Variants in PRM2 observed in about 807,000 individuals in gnomAD.
PRM2 encodes protamine-2.
In PRM2, 6 loss-of-function variants were observed where a neutral mutation model predicts 10.7. The ratio of observed to expected loss-of-function variants is 0.56; its 90% CI spans 0.31 to 1.11. The LOEUF (loss-of-function observed/expected upper bound fraction) is 1.11. Among genes scored for constraint, PRM2 ranks in the 50% least tolerant of loss-of-function variants. The pLI is 0.06. For missense variants in PRM2, 194 were observed against 147.7 expected, an observed-to-expected ratio of 1.31 and a Z score of -1.62; for synonymous variants, 64 against 54.8, an observed-to-expected ratio of 1.17 and a Z score of -0.74.
rs1414827861 is a variant in PRM2, at chr16:11,275,796, G to T, written c.*104C>A. The T allele has an allele frequency of 6.3e-7, 1 of 1,592,058 alleles. No individual in the cohort carries two copies. The highest frequency in any genetic ancestry group is 8.5e-7 in the Non-Finnish European group (1 of 1,170,686). On this transcript the variant is annotated 3_prime_UTR_variant, in exon 2 of 2. Coordinates refer to ENST00000241808, the MANE Select transcript of PRM2 (RefSeq NM_002762.4). ...GCAGGTGACTTTCTCTTAACTTCCA[G>T]CTGGGGGCTTGAGCATTTGATGTAG...
At position 11,276,151 on chromosome 16, in the gene PRM2, A is replaced by G. The variant is rs754743314; in HGVS notation, c.220T>C (p.Cys74Arg). ...HRIHRRQHRS[C>R]RRRKRRSCRH... ...CAGGAGCGTCTTTTGCGCCTTCTGC[A>G]GGAGCGATGCTGCCGCCTGTGGATC... Residue 74 changes from cysteine to arginine, a missense_variant, in exon 1 of 2, where the codon TGC becomes CGC. Coordinates refer to ENST00000241808, the MANE Select transcript of PRM2 (RefSeq NM_002762.4). The G allele has an allele frequency of 3.7e-5, 60 of 1,613,722 alleles. 2 individuals carry two copies. The South Asian group carries it at 6.1e-4, about 17-fold the overall frequency.
At position 11,276,117 on chromosome 16, in the gene PRM2, C is replaced by T. The variant is rs368911368; in HGVS notation, c.254G>A (p.Arg85Gln). ...RRRKRRSCRH[R>Q]RRHRRGCRTR... ...AGGCAGACCTCTGCGATGCCTCCTC[C>T]GGTGCCTGCAGGAGCGTCTTTTGCG... is the stretch of plus-strand genomic sequence containing the variant. Residue 85 changes from arginine to glutamine, a missense_variant, in exon 1 of 2, where the codon CGG becomes CAG. Transcript: ENST00000241808. 44 of 1,611,990 alleles carry T rather than the reference C, an allele frequency of 2.7e-5. No individual in the cohort carries two copies. The highest frequency in any genetic ancestry group is 8.0e-5 in the African/African-American group (6 of 75,050).
intron 1 of PRM2, 59 bp from the exon 2 acceptor site, chr16:11,275,996 G>A: frequency 6.2e-7 from 1 of 1,612,880 alleles, no homozygotes. Context: ...GTGGGGACGG[G>A]GGTTAGGGGG....
chr16:11,275,982 C>G (rs1314564824), intron 1 of PRM2, 45 bp from the exon 2 acceptor site: 5 of 1,594,124 alleles, frequency 3.1e-6, no homozygotes, highest in Non-Finnish European at 4.3e-6. Flanking sequence ...CCTAGGGACT[C>G]TGGGTGGGGA....
Position 11,276,156 on chromosome 16 carries a change from C to T in PRM2, c.215G>A (p.Arg72His), listed in dbSNP as rs903612207. ...GCGTCTTTTGCGCCTTCTGCAGGAGCGATGCTGCCGCCTGTGGATCCGGTG... is the reference window on the plus strand; with the variant it reads ...GCGTCTTTTGCGCCTTCTGCAGGAGTGATGCTGCCGCCTGTGGATCCGGTG... ...RLHRIHRRQHRSCRRRKRRSC... is the reference protein window; with the variant it reads ...RLHRIHRRQHHSCRRRKRRSC... The change falls in exon 1 of 2, where the codon CGC (arginine) becomes CAC (histidine). Residue 72 changes from arginine to histidine, a missense_variant. Physicochemically the swap from Arg to His is conservative, Grantham distance 29 (BLOSUM62 0). Coordinates refer to ENST00000241808, the MANE Select transcript of PRM2 (RefSeq NM_002762.4). 22 of 1,613,640 alleles carry T rather than the reference C, an allele frequency of 1.4e-5. No homozygotes were observed. Among genetic ancestry groups the T allele is most frequent in the East Asian group, 2.2e-5 (1 of 44,888 alleles).
rs201933708 is a variant in PRM2 at position 11,276,083 on chromosome 16, C to A, written c.271+17G>T. 3 of 1,608,986 alleles carry A rather than the reference C, an allele frequency of 1.9e-6. 1 individual carries two copies. Among genetic ancestry groups the A allele is most frequent in the South Asian group, 2.2e-5 (2 of 90,990 alleles). On this transcript the variant is annotated intron_variant, in intron 1 of 1. Transcript: ENST00000241808. ...GTGGTCAGGGACATGCAGGGCAAGG[C>A]GGGGGCGCAGGCAGACCTCTGCGAT...
At chr16:11,276,047 C>T in intron 1 of PRM2, 53 bp downstream of exon 1, 2 of 1,610,904 alleles carry the variant, frequency 1.2e-6, no homozygotes, top group Non-Finnish European at 1.7e-6. Flanking sequence ...CGCCTCCCTC[C>T]TGTGCCTGGG....
At position 11,275,783 on chromosome 16, in the gene PRM2, C is replaced by T; in HGVS notation, c.*117G>A. On this transcript the variant is annotated 3_prime_UTR_variant, in exon 2 of 2. Coordinates refer to ENST00000241808, the MANE Select transcript of PRM2 (RefSeq NM_002762.4). ...CGGTGTTTCTTGGGCAGGTGACTTT[C>T]TCTTAACTTCCAGCTGGGGGCTTGA... 7 of 1,579,064 alleles carry T rather than the reference C, an allele frequency of 4.4e-6. No homozygotes were observed. Among genetic ancestry groups the T allele is most frequent in the Non-Finnish European group, 6.0e-6 (7 of 1,163,042 alleles).
At chr16:11,276,025 G>A in intron 1 of PRM2, 75 bp downstream of exon 1, 1 of 1,609,962 alleles carries the variant, frequency 6.2e-7, no homozygotes, top group Non-Finnish European at 8.5e-7. Flanking sequence ...TTTGTCAGGT[G>A]GGGTGGGTCC....
intron 1 of PRM2, 75 bp downstream of exon 1, chr16:11,276,025 G>C: frequency 1.2e-6 from 2 of 1,609,962 alleles, no homozygotes; most frequent in Non-Finnish European, 1.7e-6. Context: ...TTTGTCAGGT[G>C]GGGTGGGTCC....
rs2069844147 is a variant in PRM2, at chr16:11,275,714, CAG to C, written c.*184_*185del. ...TCTTGTGGGCTTCTCGGCGGCAACT[CAG>C]GGCTTGAGCATTTGATGTAGGGGAG... On this transcript the variant is annotated 3_prime_UTR_variant, in exon 2 of 2. Coordinates refer to ENST00000241808, the MANE Select transcript of PRM2 (RefSeq NM_002762.4). 1.4e-6 allele frequency: 2 copies of C among 1,436,878 alleles called. No individual in the cohort carries two copies. Among genetic ancestry groups the C allele is most frequent in the Non-Finnish European group, 1.9e-6 (2 of 1,052,546 alleles). 89.0% of individuals were successfully genotyped at this position (1,436,878 alleles called of 1,614,324 possible).
chr16:11,276,416 C>T lies in PRM2; in HGVS notation c.-46G>A, dbSNP rs756468939. On this transcript the variant is annotated 5_prime_UTR_variant, in exon 1 of 2. Coordinates refer to ENST00000241808, the MANE Select transcript of PRM2 (RefSeq NM_002762.4). ...CTCCTGGGCTGAGGCTGCAGTGGGC[C>T]CTGGAGTAGGGGAGGAGGGCGGAGG... 9.3e-6 allele frequency: 15 copies of T among 1,611,598 alleles called. No homozygotes were observed. Among genetic ancestry groups the T allele is most frequent in the African/African-American group, 2.7e-5 (2 of 74,888 alleles).
At position 11,275,927 on chromosome 16, in the gene PRM2, G is replaced by C. The variant is rs771728241; in HGVS notation, c.282C>G (p.Thr94=). 1.2e-6 allele frequency: 2 copies of C among 1,614,052 alleles called. No individual in the cohort carries two copies. The highest frequency in any genetic ancestry group is 2.2e-5 in the South Asian group (2 of 91,046). The change falls in exon 2 of 2, where the codon ACC becomes ACG. Residue 94 remains threonine, a synonymous_variant. Transcript: ENST00000241808. ...AGTGCCTTCTGCATGTTCTCTTCCT[G>C]GTTCTGCAGCCTTTTGGGAAAGAAA... ...HRRRHRRGCR[T]RKRTCRRH is the part of the protein sequence containing the mutation.
chr16:11,276,056 G>A, intron 1 of PRM2, 44 bp downstream of exon 1: 2 of 1,610,946 alleles, frequency 1.2e-6, no homozygotes, highest in Non-Finnish European at 8.5e-7. Context: ...CCTGTGCCTG[G>A]GGTGGTCAGG....
chr16:11,276,359 G>A lies in PRM2; in HGVS notation c.12C>T (p.Tyr4=), dbSNP rs775226825. 4 of 1,614,090 alleles carry A rather than the reference G, an allele frequency of 2.5e-6. No individual in the cohort carries two copies. Among genetic ancestry groups the A allele is most frequent in the East Asian group, 4.5e-5 (2 of 44,896 alleles). ...AGCGTTCGCTCAGGCTCCTCACGCG[G>A]TATCGGACCATGGTGTTGGGAGATC... MVR[Y]RVRSLSERSH... is the part of the protein sequence containing the mutation. The change falls in exon 1 of 2, where the codon TAC becomes TAT. Residue 4 remains tyrosine, a synonymous_variant. Transcript: ENST00000241808.
chr16:11,276,330 T>G lies in PRM2; in HGVS notation c.41A>C (p.His14Pro), dbSNP rs149233606. The G allele has an allele frequency of 6.2e-7, 1 of 1,614,240 alleles. No homozygotes were observed. Among genetic ancestry groups the G allele is most frequent in the East Asian group, 2.2e-5 (1 of 44,886 alleles). Residue 14 changes from histidine (H) to proline (P), a missense_variant, in exon 1 of 2, where the codon CAC becomes CCC. His to Pro is a moderately conservative substitution (Grantham distance 77, BLOSUM62 -2). Coordinates refer to ENST00000241808, the MANE Select transcript of PRM2 (RefSeq NM_002762.4). ...YRVRSLSERSHEVYRQQLHGQ... is the reference protein window; with the variant it reads ...YRVRSLSERSPEVYRQQLHGQ... ...ATGCAACTGCTGCCTGTACACCTCG[T>G]GCGAGCGTTCGCTCAGGCTCCTCAC...
At position 11,275,837 on chromosome 16, in the gene PRM2, C is replaced by G. The variant is rs775905388; in HGVS notation, c.*63G>C. The G allele has an allele frequency of 2.5e-5, 41 of 1,612,102 alleles. No homozygotes were observed. The highest frequency in any genetic ancestry group is 1.1e-4 in the South Asian group (10 of 90,224). ...TTTGATGTAGGGGAATTGCTATGGC[C>G]TCACTTGGTGTTTCGGGCGACTTTT... On this transcript the variant is annotated 3_prime_UTR_variant, in exon 2 of 2. Transcript: ENST00000241808.
Position 11,275,721 on chromosome 16 carries a change from T to G in PRM2, c.*179A>C. The stretch of plus-strand genomic sequence containing the variant: ...GGCTTCTCGGCGGCAACTCAGGGCT[T>G]GAGCATTTGATGTAGGGGAGTTGCT... On this transcript the variant is annotated 3_prime_UTR_variant, in exon 2 of 2. Transcript: ENST00000241808. The G allele has an allele frequency of 2.6e-5, 38 of 1,462,248 alleles. No individual in the cohort carries two copies. Among genetic ancestry groups the G allele is most frequent in the Non-Finnish European group, 3.2e-5 (34 of 1,071,236 alleles). 90.6% of individuals were successfully genotyped at this position (1,462,248 alleles called of 1,614,324 possible). A position where few individuals can be genotyped will look rare whatever the true frequency, so the allele number is the denominator to read the frequency against.
chr16:11,275,727 T>A lies in PRM2; in HGVS notation c.*173A>T. 6.8e-7 allele frequency: 1 copy of A among 1,471,714 alleles called. No individual in the cohort carries two copies. 91.2% of individuals were successfully genotyped at this position (1,471,714 alleles called of 1,614,324 possible). A position where few individuals can be genotyped will look rare whatever the true frequency, so the allele number is the denominator to read the frequency against. ...TCGGCGGCAACTCAGGGCTTGAGCA[T>A]TTGATGTAGGGGAGTTGCTATGGCC... is the stretch of plus-strand genomic sequence containing the variant. On this transcript the variant is annotated 3_prime_UTR_variant, in exon 2 of 2. Coordinates refer to ENST00000241808, the MANE Select transcript of PRM2 (RefSeq NM_002762.4).
Sources: allele counts gnomAD v4.1 joint callset, GRCh38; gene constraint gnomAD v4.1.1; transcripts MANE v1.5; gene names NCBI Gene and HGNC (gene_info 2026-07-23, HGNC 2026-07-21).